The following PAFAH1B1 variants were observed in gnomAD, a reference collection of about 807,000 sequenced individuals.
PAFAH1B1 encodes platelet activating factor acetylhydrolase 1b regulatory subunit 1, also known as platelet-activating factor acetylhydrolase IB subunit beta.
PAFAH1B1 carries 2 observed loss-of-function variants against 57.5 expected under a neutral mutation model. That is an observed-to-expected ratio of 0.03 (90% CI 0.01 to 0.11). The LOEUF is 0.11. Among genes scored for constraint, PAFAH1B1 ranks in the 10% least tolerant of loss-of-function variants. The pLI is 1.00. For missense variants in PAFAH1B1, 257 were observed against 512.0 expected, an observed-to-expected ratio of 0.50 and a Z score of 4.81; for synonymous variants, 152 against 169.6, an observed-to-expected ratio of 0.90 and a Z score of 0.81.
At chr17:2,669,539 G>T (rs1011713190) in intron 5 of PAFAH1B1, among the ~76,000 whole-genome samples, 2 of 152,132 alleles carry the variant, frequency 1.3e-5, no homozygotes, top group East Asian at 3.8e-4. Context: ...GATTACAGGC[G>T]TGAGCCACTG....
intron 2 of PAFAH1B1, among the ~76,000 whole-genome samples, chr17:2,650,456 G>T (rs1188277182): frequency 6.6e-6 from 1 of 151,320 alleles, no homozygotes; most frequent in Non-Finnish European, 1.5e-5. Flanking sequence ...AGGTTGCAGT[G>T]AGCCGAGACT....
intron 2 of PAFAH1B1, among the ~76,000 whole-genome samples, chr17:2,646,848 A>G (rs1296103645): frequency 2.0e-5 from 3 of 152,188 alleles, no homozygotes; most frequent in African/African-American, 7.2e-5. Context: ...CTTAAGGACC[A>G]TTTGCTTCCC....
chr17:2,602,330 C>A (rs942311093), intron 1 of PAFAH1B1, among the ~76,000 whole-genome samples: 1 of 151,948 alleles, frequency 6.6e-6, no homozygotes, highest in African/African-American at 2.4e-5. Flanking sequence ...ATGGAAGCAT[C>A]ATAATACAAC....
intron 2 of PAFAH1B1, among the ~76,000 whole-genome samples, chr17:2,651,413 CAAAAAAA>C (rs1157501996): frequency 1.7e-4 from 9 of 53,338 alleles, no homozygotes; most frequent in South Asian, 1.1e-3. Flanking sequence ...CCCGTCTCTA[CAAAAAAA>C]AAAAAAAAAA....
At chr17:2,656,613 C>T (rs1234116029) in intron 2 of PAFAH1B1, among the ~76,000 whole-genome samples, 3 of 152,120 alleles carry the variant, frequency 2.0e-5, no homozygotes, top group African/African-American at 7.2e-5. Context: ...CTCTTCAGTG[C>T]AGAGTAAAAA....
intron 1 of PAFAH1B1, among the ~76,000 whole-genome samples, chr17:2,628,852 T>C (rs1266471): frequency 0.42 from 64,484 of 152,012 alleles, 16,203 homozygotes; most frequent in African/African-American, 0.71. Context: ...TCCATCTCTT[T>C]TAGGTTTTCT....
At chr17:2,650,489 G>A (rs2068833387) in intron 2 of PAFAH1B1, among the ~76,000 whole-genome samples, 1 of 150,610 alleles carries the variant, frequency 6.6e-6, no homozygotes, top group Admixed American at 6.7e-5. Context: ...TCCAGCCTGG[G>A]TGACAGAGCA....
chr17:2,612,818 C>T (rs1170349331), intron 1 of PAFAH1B1, among the ~76,000 whole-genome samples: 1 of 151,640 alleles, frequency 6.6e-6, no homozygotes, highest in African/African-American at 2.4e-5. Flanking sequence ...CTTTTTTGCC[C>T]AGGCTGGTCT....
At chr17:2,603,887 G>A (rs370389061) in intron 1 of PAFAH1B1, among the ~76,000 whole-genome samples, 6 of 151,676 alleles carry the variant, frequency 4.0e-5, no homozygotes, top group African/African-American at 1.2e-4. Context: ...ACAGGCATGC[G>A]CAACCACGCG....
chr17:2,635,387 A>G (rs1017590543), intron 1 of PAFAH1B1: 3 of 152,226 alleles, frequency 2.0e-5, no homozygotes, highest in Non-Finnish European at 4.4e-5. Context: ...CTTAAGAGAC[A>G]GAGTTTCTCT....
intron 1 of PAFAH1B1, among the ~76,000 whole-genome samples, chr17:2,619,109 G>GGTTTTTTGTTTGCTTGTTTT (rs1246402722): frequency 2.0e-5 from 3 of 151,872 alleles, no homozygotes; most frequent in African/African-American, 7.3e-5. Flanking sequence ...TTTTAGCTGG[G>GGTTTTTTGTTTGCTTGTTTT]GTTTTTTGTT....
intron 1 of PAFAH1B1, among the ~76,000 whole-genome samples, chr17:2,606,881 G>C (rs1387078810): frequency 1.4e-5 from 2 of 141,632 alleles, no homozygotes; most frequent in Non-Finnish European, 3.0e-5. Context: ...CTGGAGTGCA[G>C]TGGCGCAATC....
chr17:2,685,599 A>AAAT lies in PAFAH1B1; in HGVS notation c.*3798_*3800dup, dbSNP rs1454379787. ...TTATTGTACCAACTGGTAAACTATT[A>AAAT]AATGCCTATAAAACTAGATGTGATT... On this transcript the variant is annotated 3_prime_UTR_variant, in exon 11 of 11. Coordinates refer to ENST00000397195, the MANE Select transcript of PAFAH1B1 (RefSeq NM_000430.4). 1 of 150,910 alleles carries AAAT rather than the reference A, an allele frequency of 6.6e-6. No homozygotes were observed. The highest frequency in any genetic ancestry group is 1.5e-5 in the Non-Finnish European group (1 of 67,770). 9.3% of individuals were successfully genotyped at this position (150,910 alleles called of 1,614,324 possible).
At chr17:2,607,751 T>TTA (rs1302173766) in intron 1 of PAFAH1B1, among the ~76,000 whole-genome samples, 1 of 151,904 alleles carries the variant, frequency 6.6e-6, no homozygotes, top group African/African-American at 2.4e-5. Flanking sequence ...CTCCCAAAGT[T>TTA]CTGGGATTAC....
intron 1 of PAFAH1B1, among the ~76,000 whole-genome samples, chr17:2,625,192 G>A (rs763916952): frequency 3.2e-4 from 49 of 152,072 alleles, no homozygotes; most frequent in Admixed American, 7.2e-4. Flanking sequence ...TAAAGCCTCT[G>A]TTTCTAGTGC....
intron 2 of PAFAH1B1, among the ~76,000 whole-genome samples, chr17:2,646,411 A>G (rs1008639744): frequency 7.4e-6 from 1 of 134,242 alleles, no homozygotes; most frequent in Non-Finnish European, 1.6e-5. Flanking sequence ...GGTTTGAAAC[A>G]ATCTGCTGGG....
At chr17:2,647,320 C>T (rs375491596) in intron 2 of PAFAH1B1, among the ~76,000 whole-genome samples, 1 of 151,994 alleles carries the variant, frequency 6.6e-6, no homozygotes, top group Non-Finnish European at 1.5e-5. Flanking sequence ...GAGCCGAGAT[C>T]GTGCCACTGC....
At chr17:2,671,846 G>T (rs1038625720) in intron 6 of PAFAH1B1, among the ~76,000 whole-genome samples, 1 of 151,336 alleles carries the variant, frequency 6.6e-6, no homozygotes, top group Non-Finnish European at 1.5e-5. Context: ...CAGGTGATCC[G>T]CCCGCCTCGG....
At chr17:2,643,554 C>CT (rs34038838) in intron 2 of PAFAH1B1, among the ~76,000 whole-genome samples, 61 of 146,044 alleles carry the variant, frequency 4.2e-4, no homozygotes, top group East Asian at 8.1e-4. Flanking sequence ...ACACACCTGG[C>CT]TTTTTTTTTT....
Sources: allele counts gnomAD v4.1 joint callset (sites outside exome capture counted in the v4.1 genomes callset), GRCh38; gene constraint gnomAD v4.1.1; transcripts MANE v1.5; gene names NCBI Gene and HGNC (gene_info 2026-07-23, HGNC 2026-07-21).